The following RPS6KA2 variants were observed in gnomAD, a reference collection of about 807,000 sequenced individuals.
The protein encoded by RPS6KA2 is ribosomal protein S6 kinase alpha-2.
RPS6KA2 carries 42 observed loss-of-function variants against 91.8 expected under a neutral mutation model. The ratio of observed to expected loss-of-function variants is 0.46; its 90% CI spans 0.36 to 0.59. RPS6KA2 has a LOEUF of 0.59. Among genes scored for constraint, RPS6KA2 ranks in the 20% least tolerant of loss-of-function variants. The pLI is 0.00. For synonymous variants in RPS6KA2, 414 were observed against 393.6 expected (o/e 1.05, Z -0.61); for missense variants, 798 against 978.5 (o/e 0.82, Z 2.46).
At chr6:166,768,185 C>T (rs367975302) in intron 2 of RPS6KA2, among the ~76,000 whole-genome samples, 21 of 152,342 alleles carry the variant, frequency 1.4e-4, no homozygotes, top group East Asian at 7.7e-4. Context: ...CAGCGGGCAG[C>T]AGTGGCCCTG....
chr6:166,487,588 T>C (rs1781454564), intron 10 of RPS6KA2, among the ~76,000 whole-genome samples: 1 of 152,098 alleles, frequency 6.6e-6, no homozygotes, highest in South Asian at 2.1e-4. Context: ...CTATGGGACA[T>C]CTTTATATGA....
chr6:166,743,596 G>A lies in RPS6KA2; in HGVS notation c.123+114604C>T, dbSNP rs537071140. Among the ~76,000 whole-genome samples, 13 of 152,288 alleles carry A rather than the reference G, an allele frequency of 8.5e-5. No individual in the cohort carries two copies. In the South Asian group the frequency reaches 1.5e-3, roughly 17 times the overall value. On this transcript the variant is annotated intron_variant, in intron 2 of 21. Transcript: ENST00000503859. ...GAGCTTGGAGGCCTCTCCACACCCC[G>A]GGGAGCTACCGCCGTCTCTTGTAAC...
chr6:166,657,945 G>A (rs1347129164), intron 2 of RPS6KA2, among the ~76,000 whole-genome samples: 1 of 152,114 alleles, frequency 6.6e-6, no homozygotes, highest in Admixed American at 6.5e-5. Context: ...GTGCAGTGGC[G>A]AGATCTCGGC....
In RPS6KA2 at chr6:166,494,532, G is replaced by A. The variant is rs993649559; in HGVS notation, c.748-3791C>T. On this transcript the variant is annotated intron_variant, in intron 8 of 20. Coordinates refer to ENST00000265678, the MANE Select transcript of RPS6KA2 (RefSeq NM_021135.6). This position sits in a 1 kb window ranked among gnomAD's most constrained non-coding sequence, Gnocchi z 5.1. Reference sequence around the variant, plus strand: ...ACCAGAGTGCTCAAGAGATGCTTTAGATGTTTACAAAACAGCCCAAATATC... The same window carrying A: ...ACCAGAGTGCTCAAGAGATGCTTTAAATGTTTACAAAACAGCCCAAATATC... Among the ~76,000 whole-genome samples, 1 of 152,224 alleles carries A rather than the reference G, an allele frequency of 6.6e-6. No homozygotes were observed. The highest frequency in any genetic ancestry group is 2.4e-5 in the African/African-American group (1 of 41,442).
chr6:166,698,702 G>C (rs1451534838), intron 2 of RPS6KA2, among the ~76,000 whole-genome samples: 1 of 152,186 alleles, frequency 6.6e-6, no homozygotes, highest in African/African-American at 2.4e-5. Context: ...CTGCCTCTCT[G>C]TTGGAGAGGG....
At position 166,812,381 on chromosome 6, in the gene RPS6KA2, C is replaced by T. The variant is rs146059565; in HGVS notation, c.123+45819G>A. ...AAAAAAAAGAAATAAAGCGTCTGGG[C>T]TCCCAGATGTTGGCAGCTCCCTCCC... is the stretch of plus-strand genomic sequence containing the variant. On this transcript the variant is annotated intron_variant, in intron 2 of 21. Transcript: ENST00000503859. Among the ~76,000 whole-genome samples, 992 of 152,232 alleles carry T rather than the reference C, an allele frequency of 6.5e-3. 4 individuals carry two copies. Among genetic ancestry groups the T allele is most frequent in the Middle Eastern group, 0.027 (8 of 294 alleles).
intron 2 of RPS6KA2, among the ~76,000 whole-genome samples, chr6:166,856,763 T>C (rs937814038): frequency 6.6e-6 from 1 of 152,226 alleles, no homozygotes; most frequent in Non-Finnish European, 1.5e-5. Flanking sequence ...GCTGGGAAGG[T>C]ACATCTTCCT....
rs924334462 is a variant in RPS6KA2 at position 166,849,369 on chromosome 6, T to C, written c.123+8831A>G. Among the ~76,000 whole-genome samples the C allele has an allele frequency of 1.3e-5, 2 of 152,210 alleles. No individual in the cohort carries two copies. The highest frequency in any genetic ancestry group is 2.4e-5 in the African/African-American group (1 of 41,452). Reference sequence around the variant, plus strand: ...GTGTGAAACCATCTTGTTGAGCTAGTTGTTTATTTGCGAGGATGCTAAAAT... The same window carrying C: ...GTGTGAAACCATCTTGTTGAGCTAGCTGTTTATTTGCGAGGATGCTAAAAT... On this transcript the variant is annotated intron_variant, in intron 2 of 21. Coordinates refer to the RPS6KA2 transcript ENST00000503859. This position sits in a 1 kb window ranked among gnomAD's most constrained non-coding sequence, Gnocchi z 4.9.
At chr6:166,781,506 T>C (rs1778771954) in intron 2 of RPS6KA2, among the ~76,000 whole-genome samples, 1 of 152,174 alleles carries the variant, frequency 6.6e-6, no homozygotes, top group Admixed American at 6.5e-5. Flanking sequence ...CAGAACTACA[T>C]GCACCCACCC....
chr6:166,571,150 C>A (rs149777336), intron 1 of RPS6KA2, among the ~76,000 whole-genome samples: 2 of 152,150 alleles, frequency 1.3e-5, no homozygotes, highest in Non-Finnish European at 2.9e-5. Flanking sequence ...CCTGGGAGAC[C>A]GAAGCACTCC....
intron 1 of RPS6KA2, chr6:166,858,290 T>A: frequency 7.4e-7 from 1 of 1,350,212 alleles, no homozygotes; most frequent in Non-Finnish European, 1.1e-6. Flanking sequence ...TAAAGATGGT[T>A]AGCATTGCCA....
At chr6:166,795,679 T>G (rs1437329421) in intron 2 of RPS6KA2, among the ~76,000 whole-genome samples, 2 of 152,204 alleles carry the variant, frequency 1.3e-5, no homozygotes, top group Admixed American at 6.5e-5. Flanking sequence ...GGACTCTCCC[T>G]GAAGGGTCCC....
At chr6:166,588,408 G>A (rs1375355837) in intron 1 of RPS6KA2, among the ~76,000 whole-genome samples, 1 of 152,104 alleles carries the variant, frequency 6.6e-6, no homozygotes, top group African/African-American at 2.4e-5. Context: ...GATTCCACAG[G>A]CCCTAGCCAC....
intron 1 of RPS6KA2, among the ~76,000 whole-genome samples, chr6:166,621,170 GCAAATGACTGCATAA>G (rs1786615373): frequency 6.6e-6 from 1 of 152,124 alleles, no homozygotes; most frequent in Non-Finnish European, 1.5e-5. Context: ...AGGAACGCAT[GCAAATGACTGCATAA>G]CATATGCAAA....
chr6:166,636,263 G>A (rs766042206), intron 2 of RPS6KA2, among the ~76,000 whole-genome samples: 8 of 152,126 alleles, frequency 5.3e-5, no homozygotes, highest in Non-Finnish European at 1.2e-4. Context: ...TCAAGCTTTG[G>A]CTTCCAGCTT....
At chr6:166,551,082 C>T (rs1322401439) in intron 1 of RPS6KA2, among the ~76,000 whole-genome samples, 1 of 148,280 alleles carries the variant, frequency 6.7e-6, no homozygotes, top group Non-Finnish European at 1.5e-5. Flanking sequence ...ACATTTATTT[C>T]TTTTACATTA....
intron 2 of RPS6KA2, among the ~76,000 whole-genome samples, chr6:166,788,594 C>T (rs1778991729): frequency 6.6e-6 from 1 of 152,132 alleles, no homozygotes; most frequent in Admixed American, 6.5e-5. Context: ...AAACAGAAAA[C>T]CAAATACTGC....
At chr6:166,854,464 C>T (rs761851428) in intron 2 of RPS6KA2, among the ~76,000 whole-genome samples, 2 of 144,978 alleles carry the variant, frequency 1.4e-5, no homozygotes, top group Non-Finnish European at 1.5e-5. Flanking sequence ...TGCGCTCCTC[C>T]AGGGCAAGCC....
chr6:166,712,337 G>T (rs950265331), intron 2 of RPS6KA2, among the ~76,000 whole-genome samples: 1 of 152,230 alleles, frequency 6.6e-6, no homozygotes, highest in East Asian at 1.9e-4. Context: ...CAGGGCAGGG[G>T]CCCCTCTGGT....
Sources: gnomAD v4.1 joint callset for allele counts (sites outside exome capture counted in the v4.1 genomes callset) on GRCh38, gnomAD v4.1.1 for gene constraint, Gnocchi (gnomAD v3.1) non-coding constraint, MANE v1.5 for transcripts, NCBI Gene and HGNC (gene_info 2026-07-23, HGNC 2026-07-21) for gene names.